The following TFCP2 variants were observed in gnomAD, a reference collection of about 807,000 sequenced individuals.
The protein encoded by TFCP2 is alpha-globin transcription factor CP2.
A neutral mutation model predicts 73.4 loss-of-function variants in TFCP2; 33 were observed. That is an observed-to-expected ratio of 0.45 (90% CI 0.34 to 0.60). TFCP2 has a LOEUF of 0.60. Among genes scored for constraint, TFCP2 ranks in the 20% least tolerant of loss-of-function variants. The pLI, the probability that TFCP2 is intolerant of heterozygous loss-of-function variation, is 0.01. For missense variants in TFCP2, 352 were observed against 604.0 expected (o/e 0.58, Z 4.37); for synonymous variants, 193 against 211.6 (o/e 0.91, Z 0.76).
At chr12:51,127,389 TTATCTAAA>T (rs1940839231) in intron 1 of TFCP2, among the ~76,000 whole-genome samples, 1 of 152,172 alleles carries the variant, frequency 6.6e-6, no homozygotes, top group South Asian at 2.1e-4. Context: ...AAGAGGGGGC[TTATCTAAA>T]GAGACTAGCT....
chr12:51,106,619 A>G lies in TFCP2; in HGVS notation c.829-6T>C, dbSNP rs764662887. ...ATCTCGGGCCATGGAGAACACTAAA[A>G]ACAAAGGATAAGTTAGATAATGAAC... is the stretch of plus-strand genomic sequence containing the variant. On this transcript the variant is annotated splice_region_variant and splice_polypyrimidine_tract_variant and intron_variant, in intron 7 of 14. Coordinates refer to ENST00000257915, the MANE Select transcript of TFCP2 (RefSeq NM_005653.5). The G allele has an allele frequency of 6.2e-7, 1 of 1,611,834 alleles. No homozygotes were observed. Among genetic ancestry groups the G allele is most frequent in the African/African-American group, 1.3e-5 (1 of 74,984 alleles).
At chr12:51,095,948 C>T (rs1468681427) in intron 14 of TFCP2, 41 bp downstream of exon 14, 1 of 1,559,888 alleles carries the variant, frequency 6.4e-7, no homozygotes, top group Non-Finnish European at 8.8e-7. Context: ...AGTAGTAAAG[C>T]TGTTAAACTG....
intron 4 of TFCP2, among the ~76,000 whole-genome samples, chr12:51,112,132 C>T (rs928324615): frequency 6.6e-6 from 1 of 152,154 alleles, no homozygotes; most frequent in African/African-American, 2.4e-5. Flanking sequence ...GTGCTCCAGC[C>T]TGGGTGACAG....
intron 1 of TFCP2, among the ~76,000 whole-genome samples, chr12:51,149,471 CATA>C (rs1186014630): frequency 1.3e-5 from 2 of 151,728 alleles, no homozygotes; most frequent in Non-Finnish European, 2.9e-5. Flanking sequence ...GGTTGTTTTC[CATA>C]ATAAGAGGAG....
chr12:51,098,735 T>A, intron 13 of TFCP2, 41 bp downstream of exon 13: 1 of 1,610,642 alleles, frequency 6.2e-7, no homozygotes, highest in Non-Finnish European at 8.5e-7. Context: ...CGCTGACAAA[T>A]TAATCATCAT....
At chr12:51,109,615 G>A (rs1046846446) in intron 5 of TFCP2, among the ~76,000 whole-genome samples, 2 of 152,102 alleles carry the variant, frequency 1.3e-5, no homozygotes, top group East Asian at 1.9e-4. Flanking sequence ...GTAGAAAGAG[G>A]AGTCACTACC....
chr12:51,166,990 T>C (rs1219171184), intron 1 of TFCP2, among the ~76,000 whole-genome samples: 1 of 152,158 alleles, frequency 6.6e-6, no homozygotes, highest in East Asian at 1.9e-4. Context: ...CATTCCCTCC[T>C]CCTCCATAGT....
intron 1 of TFCP2, among the ~76,000 whole-genome samples, chr12:51,165,656 A>G (rs1941742479): frequency 6.6e-6 from 1 of 152,138 alleles, no homozygotes; most frequent in Non-Finnish European, 1.5e-5. Context: ...TTTGGGATGA[A>G]AAAGTTCTGA....
chr12:51,145,664 T>TAACTA, intron 1 of TFCP2, among the ~76,000 whole-genome samples: 2 of 151,518 alleles, frequency 1.3e-5, no homozygotes, highest in African/African-American at 4.8e-5. Flanking sequence ...TTAAGAACTT[T>TAACTA]AGGCCAGGCA....
chr12:51,107,057 T>A, intron 7 of TFCP2, 179 bp downstream of exon 7: 1 of 633,234 alleles, frequency 1.6e-6, no homozygotes, highest in Non-Finnish European at 2.8e-6. Context: ...ACAGAGACAG[T>A]GGCATGGTTC....
intron 1 of TFCP2, among the ~76,000 whole-genome samples, chr12:51,167,616 C>A (rs1941781847): frequency 6.6e-6 from 1 of 152,116 alleles, no homozygotes; most frequent in African/African-American, 2.4e-5. Context: ...TGGTCTTGAA[C>A]TCCTGACCTC....
Position 51,128,836 on chromosome 12 carries a change from G to A in TFCP2, c.123-10064C>T, listed in dbSNP as rs192374760. 8.5e-5 allele frequency among the ~76,000 whole-genome samples: 13 copies of A among 152,230 alleles called. No individual in the cohort carries two copies. In the East Asian group the frequency reaches 1.4e-3, roughly 16 times the overall value. ...TGGATGAGAATATGGAAAGGAGGAC[G>A]ATCAAATGTGCAAATGACAGGTATC... On this transcript the variant is annotated intron_variant, in intron 1 of 14. Transcript: ENST00000257915.
chr12:51,095,207 A>T lies in TFCP2; in HGVS notation c.*34T>A. 1 of 1,612,722 alleles carries T rather than the reference A, an allele frequency of 6.2e-7. No individual in the cohort carries two copies. Among genetic ancestry groups the T allele is most frequent in the East Asian group, 2.2e-5 (1 of 44,880 alleles). On this transcript the variant is annotated 3_prime_UTR_variant, in exon 15 of 15. Transcript: ENST00000257915. ...AGAGGGCCGTTTTCAGAGGTGAAGG[A>T]AGGAGCAGCCACTGGGCACGAAACG...
rs575135121 is a variant in TFCP2, at chr12:51,153,447, T to C, written c.122+18854A>G. Among the ~76,000 whole-genome samples, 378 of 152,190 alleles carry C rather than the reference T, an allele frequency of 2.5e-3. 1 individual carries two copies. Among genetic ancestry groups the C allele is most frequent in the Middle Eastern group, 6.8e-3 (2 of 294 alleles). On this transcript the variant is annotated intron_variant, in intron 1 of 14. Coordinates refer to ENST00000257915, the MANE Select transcript of TFCP2 (RefSeq NM_005653.5). Reference sequence around the variant, plus strand: ...TCTATATCAATGCTTCAATCTGTAATATTTTAACCATTTTTAAGTATACAC... The same window carrying C: ...TCTATATCAATGCTTCAATCTGTAACATTTTAACCATTTTTAAGTATACAC...
chr12:51,159,401 G>C (rs917227244), intron 1 of TFCP2, among the ~76,000 whole-genome samples: 1 of 151,210 alleles, frequency 6.6e-6, no homozygotes, highest in Non-Finnish European at 1.5e-5. Context: ...GCAATGGCGT[G>C]ATCTTGGCTC....
At chr12:51,139,411 C>A (rs926162442) in intron 1 of TFCP2, among the ~76,000 whole-genome samples, 1 of 152,086 alleles carries the variant, frequency 6.6e-6, no homozygotes, top group Non-Finnish European at 1.5e-5. Flanking sequence ...TGCTCTGTTG[C>A]CCAGGCTGGA....
intron 1 of TFCP2, among the ~76,000 whole-genome samples, chr12:51,133,591 G>A (rs540342153): frequency 1.3e-4 from 20 of 152,042 alleles, no homozygotes; most frequent in Admixed American, 7.2e-4. Context: ...GATTACAGGC[G>A]TGAGTCATCA....
intron 1 of TFCP2, among the ~76,000 whole-genome samples, chr12:51,161,695 A>T (rs1431003493): frequency 2.7e-5 from 4 of 145,528 alleles, no homozygotes; most frequent in Non-Finnish European, 6.0e-5. Context: ...AAATAATAAT[A>T]ATAATAATAA....
intron 1 of TFCP2, among the ~76,000 whole-genome samples, chr12:51,149,845 C>T (rs1242433534): frequency 6.6e-6 from 1 of 152,120 alleles, no homozygotes; most frequent in Non-Finnish European, 1.5e-5. Context: ...AGGTGATCCA[C>T]CTGCCTCAAC....
Sources: allele counts gnomAD v4.1 joint callset (sites outside exome capture counted in the v4.1 genomes callset), GRCh38; gene constraint gnomAD v4.1.1; transcripts MANE v1.5; gene names NCBI Gene and HGNC (gene_info 2026-07-23, HGNC 2026-07-21).